Variants in NAA60 observed in about 807,000 individuals in gnomAD.
The protein encoded by NAA60 is N-alpha-acetyltransferase 60.
In NAA60, 8 loss-of-function variants were observed where a neutral mutation model predicts 26.1. The ratio of observed to expected loss-of-function variants is 0.31; its 90% CI spans 0.18 to 0.55. The LOEUF is 0.55. NAA60 is among the 20% of genes least tolerant of loss of function. NAA60 has a pLI of 0.93. For missense variants in NAA60, 290 were observed against 311.3 expected, an observed-to-expected ratio of 0.93 and a Z score of 0.51; for synonymous variants, 131 against 122.5, an observed-to-expected ratio of 1.07 and a Z score of -0.46.
intron 4 of NAA60, among the ~76,000 whole-genome samples, chr16:3,481,196 G>C (rs1596356995): frequency 6.6e-6 from 1 of 151,840 alleles, no homozygotes; most frequent in Non-Finnish European, 1.5e-5. Context: ...CCTGATCCCG[G>C]CTCACTGCAA....
chr16:3,468,927 A>G (rs969564254), intron 2 of NAA60, among the ~76,000 whole-genome samples: 2 of 152,066 alleles, frequency 1.3e-5, no homozygotes, highest in South Asian at 2.1e-4. Context: ...CTCTACTACA[A>G]ATACAAAAAT....
chr16:3,444,700 G>A (rs1461549415), intron 1 of NAA60, among the ~76,000 whole-genome samples: 1 of 152,198 alleles, frequency 6.6e-6, no homozygotes, highest in African/African-American at 2.4e-5. Flanking sequence ...TTACAGGTTG[G>A]TTAATTCGGT....
chr16:3,447,691 G>C, intron 1 of NAA60: 1 of 957,988 alleles, frequency 1.0e-6, no homozygotes, highest in Non-Finnish European at 1.2e-6. Flanking sequence ...GCTTGATTGA[G>C]CAGTTAGAAA....
rs2037164674 is a variant in NAA60, at chr16:3,486,868, C to CCCACA, written c.*1610_*1611insACACC. 1 of 152,542 alleles carries CCCACA rather than the reference C, an allele frequency of 6.6e-6. No individual in the cohort carries two copies. The highest frequency in any genetic ancestry group is 6.5e-5 in the Admixed American group (1 of 15,290). 9.4% of individuals were successfully genotyped at this position (152,542 alleles called of 1,614,324 possible). A position where few individuals can be genotyped will look rare whatever the true frequency, so the allele number is the denominator to read the frequency against. ...AGGCCCCACCCTGCCCCACACCTGC[C>CCCACA]CCTGATCACTGCAGTGTCCAGCCCA... is the stretch of plus-strand genomic sequence containing the variant. On this transcript the variant is annotated 3_prime_UTR_variant, in exon 8 of 8. Transcript: ENST00000407558.
At chr16:3,447,205 G>A (rs575931630) in intron 1 of NAA60, among the ~76,000 whole-genome samples, 6 of 152,152 alleles carry the variant, frequency 3.9e-5, no homozygotes, top group African/African-American at 7.2e-5. Context: ...ATATTGAAAC[G>A]GAAAGATACT....
At chr16:3,452,779 A>C (rs777894627) in intron 2 of NAA60, among the ~76,000 whole-genome samples, 2 of 151,080 alleles carry the variant, frequency 1.3e-5, no homozygotes, top group Non-Finnish European at 2.9e-5. Flanking sequence ...ACATAGTGAG[A>C]CTCTGTCTCT....
At chr16:3,445,670 C>T (rs1217721028) in intron 1 of NAA60, among the ~76,000 whole-genome samples, 4 of 151,978 alleles carry the variant, frequency 2.6e-5, no homozygotes, top group East Asian at 1.9e-4. Flanking sequence ...AAGAGACTCC[C>T]GTGGCTCTCT....
At chr16:3,485,326 G>C (rs1299001378) in intron 7 of NAA60, 141 bp from the exon 8 acceptor site, 3 of 501,716 alleles carry the variant, frequency 6.0e-6, no homozygotes, top group Non-Finnish European at 7.8e-6. Context: ...CCTAGTGGCT[G>C]CAGGCAGACA....
intron 4 of NAA60, among the ~76,000 whole-genome samples, chr16:3,479,822 G>C (rs924146022): frequency 6.6e-6 from 1 of 152,124 alleles, no homozygotes; most frequent in African/African-American, 2.4e-5. Flanking sequence ...CCAGCAGCAG[G>C]CTTCATAACC....
At chr16:3,447,894 A>G (rs1163177157) in intron 1 of NAA60, among the ~76,000 whole-genome samples, 2 of 152,166 alleles carry the variant, frequency 1.3e-5, no homozygotes, top group African/African-American at 4.8e-5. Flanking sequence ...CTCTAAACGT[A>G]CCTTCAACAT....
chr16:3,475,022 C>G (rs527691351), intron 2 of NAA60, among the ~76,000 whole-genome samples: 42 of 151,754 alleles, frequency 2.8e-4, no homozygotes, highest in African/African-American at 1.0e-3. Flanking sequence ...TTCAGGCGAT[C>G]CTCCCACCTC....
chr16:3,447,543 T>G (rs2034604205), intron 1 of NAA60: 17 of 985,340 alleles, frequency 1.7e-5, no homozygotes, highest in Non-Finnish European at 2.0e-5. Context: ...CTTACCGCCT[T>G]TACCGTATCC....
At chr16:3,447,410 C>T (rs1052236261) in intron 1 of NAA60, 5 of 954,572 alleles carry the variant, frequency 5.2e-6, no homozygotes, top group African/African-American at 1.8e-5. Context: ...AATGGGGTAT[C>T]TTCCCTGGCG....
chr16:3,474,941 GGTTT>G (rs1001008035), intron 2 of NAA60, among the ~76,000 whole-genome samples: 2 of 151,894 alleles, frequency 1.3e-5, no homozygotes, highest in Admixed American at 6.6e-5. Context: ...TTTATTTATG[GGTTT>G]GTTTATTTAT....
intron 1 of NAA60, among the ~76,000 whole-genome samples, chr16:3,444,451 A>G (rs891696339): frequency 9.9e-5 from 15 of 151,376 alleles, no homozygotes; most frequent in South Asian, 2.1e-4. Context: ...GTGTTTGGGG[A>G]AAAAAAAAGA....
intron 1 of NAA60, among the ~76,000 whole-genome samples, chr16:3,445,989 C>G (rs528874445): frequency 6.6e-6 from 1 of 152,272 alleles, no homozygotes; most frequent in East Asian, 1.9e-4. Flanking sequence ...TAAAAAATCA[C>G]AAATGCTTGA....
intron 6 of NAA60, 86 bp downstream of exon 6, chr16:3,483,683 C>T (rs1276028945): frequency 1.9e-6 from 2 of 1,046,958 alleles, no homozygotes; most frequent in South Asian, 1.4e-5. Context: ...CTGTGGTCCC[C>T]CTCAGATGAT....
intron 2 of NAA60, among the ~76,000 whole-genome samples, chr16:3,471,149 A>T (rs1032017886): frequency 4.6e-5 from 7 of 152,176 alleles, no homozygotes; most frequent in African/African-American, 1.7e-4. Context: ...ATGCGAGCTT[A>T]TTACGAATCT....
At chr16:3,451,385 C>G (rs974943911) in intron 2 of NAA60, among the ~76,000 whole-genome samples, 30 of 152,086 alleles carry the variant, frequency 2.0e-4, no homozygotes, top group African/African-American at 7.2e-4. Flanking sequence ...ACCAATGTAT[C>G]CTTTTGTTTT....
Sources: gnomAD v4.1 joint callset for allele counts (sites outside exome capture counted in the v4.1 genomes callset) on GRCh38, gnomAD v4.1.1 for gene constraint, MANE v1.5 for transcripts, NCBI Gene and HGNC (gene_info 2026-07-23, HGNC 2026-07-21) for gene names.